The following IARS1 variants were observed in gnomAD, a reference collection of about 807,000 sequenced individuals.
IARS1 encodes isoleucine--tRNA ligase, cytoplasmic.
IARS1 carries 124 observed loss-of-function variants against 168.2 expected under a neutral mutation model. That is an observed-to-expected ratio of 0.74 (90% CI 0.64 to 0.86). IARS1 has a LOEUF of 0.86. Among genes scored for constraint, IARS1 ranks in the 40% least tolerant of loss-of-function variants. IARS1 has a pLI of 0.00. For synonymous variants in IARS1, 532 were observed against 529.4 expected (o/e 1.00, Z -0.07); for missense variants, 1,452 against 1,515.8 (o/e 0.96, Z 0.70).
chr9:92,260,175 T>C lies in IARS1; in HGVS notation c.1847A>G (p.Gln616Arg), dbSNP rs200513606. 1.1e-5 allele frequency: 17 copies of C among 1,614,072 alleles called. No homozygotes were observed. Among genetic ancestry groups the C allele is most frequent in the Admixed American group, 5.0e-5 (3 of 60,024 alleles). The change falls in exon 18 of 34, where the codon CAG becomes CGG. Residue 616 changes from glutamine (Q) to arginine (R), a missense_variant. Coordinates refer to ENST00000443024, the MANE Select transcript of IARS1 (RefSeq NM_002161.6). ...KNYPDPVSII[Q>R]KYGADALRLY... is the part of the protein sequence containing the mutation. ...CCTGAGGGCATCAGCACCATACTTC[T>C]GGATGATGGAAACTGGATCTGGATA... is the stretch of plus-strand genomic sequence containing the variant.
At chr9:92,223,555 T>C (rs1825154759) in intron 31 of IARS1, 66 bp from the exon 32 acceptor site, 10 of 1,354,856 alleles carry the variant, frequency 7.4e-6, no homozygotes, top group Middle Eastern at 2.5e-4. Flanking sequence ...TCATTCAATT[T>C]TTCCTATTTA....
chr9:92,277,483 G>A (rs1257800705), intron 9 of IARS1, among the ~76,000 whole-genome samples: 1 of 151,992 alleles, frequency 6.6e-6, no homozygotes, highest in Non-Finnish European at 1.5e-5. Context: ...TTCAAGACCA[G>A]CCTGGGCAGC....
rs141306636 is a variant in IARS1, at chr9:92,283,585, G to A, written c.597+2137C>T. Among the ~76,000 whole-genome samples the A allele has an allele frequency of 3.1e-3, 479 of 152,268 alleles. 4 individuals carry two copies. Among genetic ancestry groups the A allele is most frequent in the Middle Eastern group, 0.017 (5 of 294 alleles). On this transcript the variant is annotated intron_variant, in intron 6 of 33. Transcript: ENST00000443024. ...CTTGAACCTGGGAGGAGGGTGCAATGAGCCAAGATCACACCACTGTACTTC... is the reference window on the plus strand; with the variant it reads ...CTTGAACCTGGGAGGAGGGTGCAATAAGCCAAGATCACACCACTGTACTTC...
In IARS1 at chr9:92,260,247, A is replaced by G. The variant is rs770709820; in HGVS notation, c.1788-13T>C. ...TTTTTGGCCATCACTTGTAAAACAA[A>G]AGGGAGATGCCAATTAAGTAAGTCA... On this transcript the variant is annotated splice_polypyrimidine_tract_variant and intron_variant, in intron 17 of 33. Coordinates refer to ENST00000443024, the MANE Select transcript of IARS1 (RefSeq NM_002161.6). The G allele has an allele frequency of 2.0e-4, 308 of 1,539,748 alleles. No individual in the cohort carries two copies. The highest frequency in any genetic ancestry group is 2.7e-4 in the Non-Finnish European group (299 of 1,112,086).
Position 92,271,076 on chromosome 9 carries a change from C to T in IARS1, c.1114G>A (p.Asp372Asn), listed in dbSNP as rs761413821. 6.3e-7 allele frequency: 1 copy of T among 1,587,292 alleles called. No homozygotes were observed. The highest frequency in any genetic ancestry group is 1.4e-5 in the African/African-American group (1 of 73,744). ...GTCCTGATGATACTTTTGTCAGCATCCTATTAAAAAAAATTAAAATTTAGC... is the reference window on the plus strand; with the variant it reads ...GTCCTGATGATACTTTTGTCAGCATTCTATTAAAAAAAATTAAAATTTAGC... ...VTDFAGQYVK[D>N]ADKSIIRTLK... Residue 372 changes from aspartate to asparagine, a missense_variant and splice_region_variant, in exon 12 of 34, where the codon GAT becomes AAT. Physicochemically the swap from Asp to Asn is conservative, Grantham distance 23 (BLOSUM62 1). Coordinates refer to ENST00000443024, the MANE Select transcript of IARS1 (RefSeq NM_002161.6).
chr9:92,220,324 G>A (rs1354314066), intron 33 of IARS1, among the ~76,000 whole-genome samples: 4 of 144,634 alleles, frequency 2.8e-5, no homozygotes, highest in Non-Finnish European at 6.0e-5. Flanking sequence ...GCTAGATGAC[G>A]AGTTAGTGGG....
intron 32 of IARS1, among the ~76,000 whole-genome samples, 172 bp downstream of exon 32, chr9:92,223,174 G>A (rs749172818): frequency 6.6e-6 from 1 of 152,120 alleles, no homozygotes; most frequent in Non-Finnish European, 1.5e-5. Flanking sequence ...ATGGATGAGG[G>A]TCTCTATAAC....
chr9:92,273,374 A>G (rs1271480730), intron 10 of IARS1, among the ~76,000 whole-genome samples: 1 of 152,186 alleles, frequency 6.6e-6, no homozygotes, highest in Non-Finnish European at 1.5e-5. Flanking sequence ...TACTGAAAAT[A>G]AAAGTCCTTA....
chr9:92,210,734 T>C lies in IARS1; in HGVS notation c.*73A>G, dbSNP rs1251365589. 2 of 845,854 alleles carry C rather than the reference T, an allele frequency of 2.4e-6. No individual in the cohort carries two copies. The highest frequency in any genetic ancestry group is 1.7e-5 in the African/African-American group (1 of 60,210). 52.4% of individuals were successfully genotyped at this position (845,854 alleles called of 1,614,324 possible). On this transcript the variant is annotated 3_prime_UTR_variant, in exon 34 of 34. Coordinates refer to ENST00000443024, the MANE Select transcript of IARS1 (RefSeq NM_002161.6). Reference sequence around the variant, plus strand: ...TATCTTCAGTGTGTTCATGTGTGTGTCTATGTGCATGTATGTGTAGGGGAT... The same window carrying C: ...TATCTTCAGTGTGTTCATGTGTGTGCCTATGTGCATGTATGTGTAGGGGAT...
In IARS1 at chr9:92,269,962, G is replaced by A. The variant is rs758654975; in HGVS notation, c.1227C>T (p.Tyr409=). The A allele has an allele frequency of 4.3e-6, 7 of 1,613,174 alleles. No individual in the cohort carries two copies. The highest frequency in any genetic ancestry group is 5.9e-6 in the Non-Finnish European group (7 of 1,179,232). The part of the protein sequence containing the change: ...FCWRSDTPLI[Y]KAVPSWFVRV... ...GCACAAACCAGCTGGGCACTGCTTTGTAAATTAGAGGAGTGTCTGATCTGG... is the reference window on the plus strand; with the variant it reads ...GCACAAACCAGCTGGGCACTGCTTTATAAATTAGAGGAGTGTCTGATCTGG... Residue 409 remains tyrosine, a synonymous_variant, in exon 13 of 34, where the codon TAC becomes TAT. Transcript: ENST00000443024.
chr9:92,293,024 C>A (rs1165454254), intron 1 of IARS1, among the ~76,000 whole-genome samples: 5 of 152,226 alleles, frequency 3.3e-5, no homozygotes, highest in African/African-American at 1.2e-4. Context: ...AAGCCTATTT[C>A]TGTTCCCCCT....
At chr9:92,225,266 C>G (rs926412300) in intron 31 of IARS1, among the ~76,000 whole-genome samples, 1 of 152,232 alleles carries the variant, frequency 6.6e-6, no homozygotes, top group African/African-American at 2.4e-5. Context: ...TTTACCAACA[C>G]AGCATTCCAC....
intron 30 of IARS1, among the ~76,000 whole-genome samples, chr9:92,231,950 T>C (rs899596920): frequency 2.0e-5 from 3 of 152,168 alleles, no homozygotes; most frequent in Non-Finnish European, 4.4e-5. Context: ...ATCAAATAAG[T>C]TTATGTTACC....
intron 6 of IARS1, among the ~76,000 whole-genome samples, chr9:92,284,566 C>T (rs769350029): frequency 6.6e-6 from 1 of 152,136 alleles, no homozygotes; most frequent in Admixed American, 6.5e-5. Flanking sequence ...GTGGGTGGAT[C>T]GCAAGGTCAG....
chr9:92,241,057 A>G, intron 29 of IARS1, 96 bp from the exon 30 acceptor site: 2 of 710,004 alleles, frequency 2.8e-6, no homozygotes. Context: ...TAACAACAAG[A>G]GCTGTACACA....
At chr9:92,214,469 G>T (rs913178539) in intron 33 of IARS1, among the ~76,000 whole-genome samples, 2 of 152,164 alleles carry the variant, frequency 1.3e-5, no homozygotes, top group African/African-American at 4.8e-5. Context: ...CAGGGTGAGC[G>T]ATGCAGAAGA....
intron 26 of IARS1, 114 bp from the exon 27 acceptor site, chr9:92,245,185 G>T: frequency 1.3e-6 from 1 of 786,514 alleles, no homozygotes. Context: ...AGCCACAGAG[G>T]CTTCAAGAGA....
chr9:92,293,196 C>T (rs1357312409), intron 1 of IARS1, among the ~76,000 whole-genome samples: 1 of 152,138 alleles, frequency 6.6e-6, no homozygotes, highest in Non-Finnish European at 1.5e-5. Flanking sequence ...TGCAAATGTA[C>T]AAAATGTGTA....
chr9:92,274,596 C>T (rs1587862768), intron 9 of IARS1, 75 bp from the exon 10 acceptor site: 1 of 1,021,668 alleles, frequency 9.8e-7, no homozygotes, highest in East Asian at 2.4e-5. Flanking sequence ...ACAGTTTTTC[C>T]TAAGAACCTG....
Sources: allele counts gnomAD v4.1 joint callset (sites outside exome capture counted in the v4.1 genomes callset), GRCh38; gene constraint gnomAD v4.1.1; transcripts MANE v1.5; gene names NCBI Gene and HGNC (gene_info 2026-07-23, HGNC 2026-07-21).